Variants in BANP observed in about 807,000 individuals in gnomAD.
BANP encodes the protein BTG3 associated nuclear protein.
BANP carries 11 observed loss-of-function variants against 68.1 expected under a neutral mutation model. The observed-to-expected ratio is 0.16, with a 90% confidence interval of 0.10 to 0.27. The LOEUF is 0.27. Among genes scored for constraint, BANP ranks in the 10% least tolerant of loss-of-function variants. BANP has a pLI of 1.00. For missense variants in BANP, 504 were observed against 722.7 expected (o/e 0.70, Z 3.47); for synonymous variants, 329 against 303.2 (o/e 1.09, Z -0.88).
intron 12 of BANP, among the ~76,000 whole-genome samples, chr16:88,066,989 G>C (rs1430441029): frequency 6.6e-6 from 1 of 152,238 alleles, no homozygotes; most frequent in African/African-American, 2.4e-5. Context: ...TTTTTGGATG[G>C]AGGTACCAGG....
At position 88,040,622 on chromosome 16, in the gene BANP, G is replaced by A. The variant is rs2080536431; in HGVS notation, c.1311+2611G>A. Among the ~76,000 whole-genome samples the A allele has an allele frequency of 3.3e-5, 5 of 152,170 alleles. No individual in the cohort carries two copies. In the South Asian group the frequency reaches 1.0e-3, roughly 32 times the overall value. ...ACCCCCATGCCCACAGGAGGATAGT[G>A]CATGCAGGTCTAGGGCTCTCTCTTC... On this transcript the variant is annotated intron_variant, in intron 11 of 13. Coordinates refer to ENST00000682872, the MANE Select transcript of BANP (RefSeq NM_001386991.1).
At chr16:87,961,475 T>C (rs1029609089) in intron 1 of BANP, among the ~76,000 whole-genome samples, 1 of 149,342 alleles carries the variant, frequency 6.7e-6, no homozygotes, top group Admixed American at 6.8e-5. Flanking sequence ...GAGGCTGCCT[T>C]TTTGTCATAT....
chr16:87,970,878 G>A (rs974284308), intron 1 of BANP, among the ~76,000 whole-genome samples: 1 of 152,108 alleles, frequency 6.6e-6, no homozygotes, highest in Non-Finnish European at 1.5e-5. Context: ...GTAGCCAGGT[G>A]TGCTGGTGGG....
chr16:87,977,950 C>G (rs1349967996), intron 2 of BANP, among the ~76,000 whole-genome samples: 1 of 152,192 alleles, frequency 6.6e-6, no homozygotes, highest in Non-Finnish European at 1.5e-5. Flanking sequence ...ATTCTCCTGC[C>G]TCAGCCTCCC....
At position 88,003,548 on chromosome 16, in the gene BANP, T is replaced by G; in HGVS notation, c.363-747T>G. 1 of 456,246 alleles carries G rather than the reference T, an allele frequency of 2.2e-6. No homozygotes were observed. Among genetic ancestry groups the G allele is most frequent in the Non-Finnish European group, 4.4e-6 (1 of 226,952 alleles). The allele number at this position is 456,246 out of a possible 1,614,324, so 28.3% of individuals were successfully genotyped here. A position where few individuals can be genotyped will look rare whatever the true frequency, so the allele number is the denominator to read the frequency against. ...GAAAGTGCTAAGGCTTAAAAACGCA[T>G]GATTGAAAACTGTGGGTGAGTCTGT... On this transcript the variant is annotated intron_variant, in intron 4 of 13. Transcript: ENST00000682872. This position sits in a 1 kb window ranked among gnomAD's most constrained non-coding sequence, Gnocchi z 6.1.
chr16:88,068,490 C>T (rs891732091), intron 12 of BANP, among the ~76,000 whole-genome samples: 1 of 152,230 alleles, frequency 6.6e-6, no homozygotes, highest in African/African-American at 2.4e-5. Context: ...TGAGACACCT[C>T]TGGGACAGCC....
chr16:88,031,021 C>T (rs1326036002), intron 8 of BANP, among the ~76,000 whole-genome samples: 1 of 152,234 alleles, frequency 6.6e-6, no homozygotes, highest in Non-Finnish European at 1.5e-5. Context: ...ACAGCAGCTC[C>T]GCGGAGGTGG....
intron 1 of BANP, among the ~76,000 whole-genome samples, chr16:87,964,422 C>G (rs547389757): frequency 6.6e-6 from 1 of 152,114 alleles, no homozygotes; most frequent in Non-Finnish European, 1.5e-5. Context: ...TGCACGTCAC[C>G]GTTGCCGAGG....
rs755316093 is a variant in BANP at position 88,076,602 on chromosome 16, C to T, written c.1534C>T (p.Leu512=). 62 of 1,612,406 alleles carry T rather than the reference C, an allele frequency of 3.8e-5. No homozygotes were observed. Among genetic ancestry groups the T allele is most frequent in the Non-Finnish European group, 5.1e-5 (60 of 1,179,732 alleles). Residue 512 remains leucine (L), a synonymous_variant, in exon 14 of 14, where the codon CTG becomes TTG. Transcript: ENST00000682872. The part of the protein sequence containing the change: ...HTAGAQTAEA[L]QPTLQPEMQL... ...CTCCCTTTTGCAGACGGCCGAAGCC[C>T]TGCAGCCCACGCTACAGCCGGAGAT...
intron 9 of BANP, chr16:88,035,076 A>C: frequency 2.0e-6 from 1 of 510,946 alleles, no homozygotes; most frequent in South Asian, 2.1e-5. Context: ...AGCACCATCC[A>C]CAGTTTCTGG....
intron 1 of BANP, among the ~76,000 whole-genome samples, chr16:87,966,365 A>G (rs927420629): frequency 2.6e-5 from 4 of 152,190 alleles, no homozygotes; most frequent in African/African-American, 9.7e-5. Flanking sequence ...GTCTCAGTCC[A>G]GCTGTTTTAT....
At chr16:87,968,595 G>A (rs2060545684) in intron 1 of BANP, among the ~76,000 whole-genome samples, 2 of 152,062 alleles carry the variant, frequency 1.3e-5, no homozygotes, top group South Asian at 4.1e-4. Context: ...TCTTCAAGCT[G>A]ACTACTGACG....
chr16:87,950,129 G>A, upstream of BANP, among the ~76,000 whole-genome samples: 1 of 152,066 alleles, frequency 6.6e-6, no homozygotes. Context: ...CACCCGCCTC[G>A]GCCTCCCAAA....
At chr16:87,983,012 C>G (rs1322140374) in intron 3 of BANP, among the ~76,000 whole-genome samples, 2 of 152,188 alleles carry the variant, frequency 1.3e-5, no homozygotes, top group East Asian at 3.9e-4. Flanking sequence ...CCCTGTGCTG[C>G]GAGCTCCACG....
chr16:88,046,500 G>A (rs1167075704), intron 11 of BANP, among the ~76,000 whole-genome samples: 4 of 152,112 alleles, frequency 2.6e-5, no homozygotes, highest in Non-Finnish European at 4.4e-5. Context: ...TCTTGGGTGG[G>A]AGTTGGCATT....
chr16:88,006,027 G>T (rs1270906878), intron 5 of BANP, 63 bp from the exon 6 acceptor site: 1 of 1,608,198 alleles, frequency 6.2e-7, no homozygotes, highest in South Asian at 1.1e-5. Flanking sequence ...GGAAAGCGCT[G>T]ACCTTCGCGT....
intron 4 of BANP, among the ~76,000 whole-genome samples, chr16:87,990,847 C>A (rs1164012329): frequency 2.6e-5 from 4 of 152,160 alleles, no homozygotes; most frequent in South Asian, 2.1e-4. Context: ...ACTGCAACCT[C>A]CGCCTCCCAG....
At position 88,057,082 on chromosome 16, in the gene BANP, A is replaced by G. The variant is rs928057742; in HGVS notation, c.1312-8185A>G. 6.6e-6 allele frequency among the ~76,000 whole-genome samples: 1 copy of G among 152,204 alleles called. No individual in the cohort carries two copies. Among genetic ancestry groups the G allele is most frequent in the Admixed American group, 6.5e-5 (1 of 15,284 alleles). ...ATCCAAATGTGAGAACTTTTTCTGA[A>G]TAAGGGAGTTTTGGTGATTCTTTGG... On this transcript the variant is annotated intron_variant, in intron 11 of 13. Transcript: ENST00000682872. This position sits in a 1 kb window ranked among gnomAD's most constrained non-coding sequence, Gnocchi z 4.6.
chr16:87,998,801 C>G (rs1281684956), intron 4 of BANP, among the ~76,000 whole-genome samples: 1 of 135,276 alleles, frequency 7.4e-6, no homozygotes, highest in Non-Finnish European at 1.6e-5. Flanking sequence ...GCTGTACTTA[C>G]CTGTCCTTCC....
Sources: gnomAD v4.1 joint callset for allele counts (sites outside exome capture counted in the v4.1 genomes callset) on GRCh38, gnomAD v4.1.1 for gene constraint, Gnocchi (gnomAD v3.1) non-coding constraint, MANE v1.5 for transcripts, NCBI Gene and HGNC (gene_info 2026-07-23, HGNC 2026-07-21) for gene names.